CPNE4: variants seen among roughly 807,000 people sequenced by gnomAD.
CPNE4 encodes the protein copine-4.
CPNE4 carries 25 observed loss-of-function variants against 67.9 expected under a neutral mutation model. The observed-to-expected ratio is 0.37, with a 90% CI of 0.27 to 0.51. The LOEUF (loss-of-function observed/expected upper bound fraction) is 0.51. CPNE4 is among the 20% of genes least tolerant of loss of function. CPNE4 has a pLI of 0.93. For missense variants in CPNE4, 464 were observed against 690.8 expected (o/e 0.67, Z 3.68); for synonymous variants, 242 against 244.9 (o/e 0.99, Z 0.11).
chr3:131,754,065 T>G (rs886528748), intron 2 of CPNE4, among the ~76,000 whole-genome samples: 3 of 152,040 alleles, frequency 2.0e-5, no homozygotes, highest in African/African-American at 7.2e-5. Flanking sequence ...AGGAGAATAA[T>G]GGGTGGTTTA....
chr3:131,815,132 A>G (rs2084687080), intron 2 of CPNE4, among the ~76,000 whole-genome samples: 1 of 152,204 alleles, frequency 6.6e-6, no homozygotes, highest in Admixed American at 6.5e-5. Context: ...GTAGCAATCT[A>G]AAAATATCCA....
chr3:131,960,668 T>C (rs1297296933), intron 1 of CPNE4, among the ~76,000 whole-genome samples: 2 of 152,204 alleles, frequency 1.3e-5, no homozygotes, highest in Non-Finnish European at 2.9e-5. Context: ...ACTACTGACT[T>C]AGCTGGTCTG....
intron 2 of CPNE4, among the ~76,000 whole-genome samples, chr3:131,795,429 C>T (rs2083893653): frequency 6.6e-6 from 1 of 152,006 alleles, no homozygotes; most frequent in Admixed American, 6.5e-5. Flanking sequence ...TGAGGTCAGA[C>T]ATTCCTTGTA....
intron 2 of CPNE4, among the ~76,000 whole-genome samples, chr3:131,858,789 A>G (rs1025029824): frequency 6.6e-6 from 1 of 152,290 alleles, no homozygotes; most frequent in Non-Finnish European, 1.5e-5. Flanking sequence ...AATAACGTTC[A>G]TTATACAAAT....
At chr3:131,978,414 ATG>A (rs1471253608) in intron 1 of CPNE4, among the ~76,000 whole-genome samples, 1 of 1,158 alleles carries the variant, frequency 8.6e-4, no homozygotes, top group Non-Finnish European at 1.6e-3. Context: ...ATTTATATAT[ATG>A]TATATATATA....
intron 5 of CPNE4, among the ~76,000 whole-genome samples, chr3:131,687,705 T>A (rs888092113): frequency 2.0e-5 from 3 of 152,238 alleles, no homozygotes; most frequent in Non-Finnish European, 4.4e-5. Flanking sequence ...GTAGGACATA[T>A]ACTGATCACA....
chr3:131,942,796 A>C (rs2071438551), intron 1 of CPNE4, among the ~76,000 whole-genome samples: 1 of 152,134 alleles, frequency 6.6e-6, no homozygotes, highest in Non-Finnish European at 1.5e-5. Flanking sequence ...GTTAAAAAGA[A>C]ACATCAGTTG....
intron 12 of CPNE4, among the ~76,000 whole-genome samples, chr3:131,554,337 C>A (rs1179066385): frequency 6.6e-6 from 1 of 152,090 alleles, no homozygotes; most frequent in African/African-American, 2.4e-5. Flanking sequence ...AGAAATCTGA[C>A]ATTTTATATA....
rs2074313177 is a variant in CPNE4 at position 132,034,852 on chromosome 3, C to T, written c.-287G>A. ...GGTGAAAATGTTGGAGATGTCAGGT[C>T]GGCTCTCAGTTAACTCGGAGAGTAA... On this transcript the variant is annotated 5_prime_UTR_variant, in exon 1 of 16. Transcript: ENST00000429747. The T allele has an allele frequency of 1.0e-6, 1 of 984,946 alleles. No homozygotes were observed. The highest frequency in any genetic ancestry group is 1.2e-6 in the Non-Finnish European group (1 of 829,926). The allele number at this position is 984,946 out of a possible 1,614,324, so 61.0% of individuals were successfully genotyped here.
chr3:131,994,425 G>C (rs1283465011), intron 1 of CPNE4, among the ~76,000 whole-genome samples: 1 of 136,188 alleles, frequency 7.3e-6, no homozygotes, highest in African/African-American at 2.5e-5. Context: ...TCATGGACCA[G>C]CAGGAGCAGC....
chr3:131,562,758 AC>A (rs1936840320), intron 11 of CPNE4, among the ~76,000 whole-genome samples: 1 of 151,966 alleles, frequency 6.6e-6, no homozygotes, highest in African/African-American at 2.4e-5. Flanking sequence ...CTCTCTAGGA[AC>A]CCCCTCACCC....
chr3:132,011,924 C>T (rs1360811188), intron 1 of CPNE4, among the ~76,000 whole-genome samples: 2 of 152,162 alleles, frequency 1.3e-5, no homozygotes, highest in Non-Finnish European at 2.9e-5. Context: ...GTGATTTCTG[C>T]CCCCTGTATT....
At chr3:131,813,253 T>C (rs893511629) in intron 2 of CPNE4, among the ~76,000 whole-genome samples, 1 of 151,620 alleles carries the variant, frequency 6.6e-6, no homozygotes, top group Non-Finnish European at 1.5e-5. Flanking sequence ...TTTCTATGTG[T>C]AATATAAATT....
At chr3:131,885,450 G>T (rs1423746928) in intron 2 of CPNE4, among the ~76,000 whole-genome samples, 4 of 151,470 alleles carry the variant, frequency 2.6e-5, no homozygotes, top group Non-Finnish European at 5.9e-5. Context: ...AGTATTATTT[G>T]ATTTATGACA....
At chr3:132,005,621 GATAAGGAAATT>G (rs2107670373) in intron 1 of CPNE4, among the ~76,000 whole-genome samples, 1 of 151,764 alleles carries the variant, frequency 6.6e-6, no homozygotes, top group East Asian at 1.9e-4. Context: ...GGGTTTTCAG[GATAAGGAAATT>G]ATAGTCATTC....
intron 2 of CPNE4, among the ~76,000 whole-genome samples, chr3:131,761,944 G>A (rs2082900894): frequency 6.6e-6 from 1 of 152,006 alleles, no homozygotes; most frequent in Non-Finnish European, 1.5e-5. Flanking sequence ...GAGGTAAATG[G>A]CTGTATTACT....
intron 1 of CPNE4, among the ~76,000 whole-genome samples, chr3:131,924,967 A>T (rs1322752845): frequency 1.3e-5 from 2 of 152,204 alleles, no homozygotes; most frequent in Non-Finnish European, 2.9e-5. Context: ...GCACAGCTTA[A>T]GTCAGGACAG....
intron 2 of CPNE4, among the ~76,000 whole-genome samples, chr3:131,828,991 C>T (rs986595708): frequency 6.6e-6 from 1 of 152,178 alleles, no homozygotes; most frequent in African/African-American, 2.4e-5. Context: ...GTTTATTGGA[C>T]TTAAGGTTCC....
At chr3:131,571,097 A>T (rs1451436128) in intron 10 of CPNE4, among the ~76,000 whole-genome samples, 1 of 151,794 alleles carries the variant, frequency 6.6e-6, no homozygotes, top group East Asian at 1.9e-4. Context: ...TGAAGATGAT[A>T]TACACCTACC....
Sources: gnomAD v4.1 joint callset for allele counts (sites outside exome capture counted in the v4.1 genomes callset) on GRCh38, gnomAD v4.1.1 for gene constraint, MANE v1.5 for transcripts, NCBI Gene and HGNC (gene_info 2026-07-23, HGNC 2026-07-21) for gene names.